The following PCDHA5 variants were observed in gnomAD, a reference collection of about 807,000 sequenced individuals.
PCDHA5 encodes protocadherin alpha 5.
Under a neutral mutation model 61.6 loss-of-function variants are expected in PCDHA5, and 43 were observed. The observed-to-expected ratio is 0.70, with a 90% CI of 0.55 to 0.90. The LOEUF (loss-of-function observed/expected upper bound fraction) is 0.90. Among genes scored for constraint, PCDHA5 ranks in the 40% least tolerant of loss-of-function variants. The pLI is 0.00. For synonymous variants in PCDHA5, 627 were observed against 543.9 expected (o/e 1.15, Z -2.13); for missense variants, 1,298 against 1,222.7 (o/e 1.06, Z -0.92).
At chr5:141,005,436 G>T (rs1554260042) in intron 3 of PCDHA5, among the ~76,000 whole-genome samples, 2 of 152,080 alleles carry the variant, frequency 1.3e-5, no homozygotes, top group East Asian at 1.9e-4. Flanking sequence ...TGGATGAGAG[G>T]CTCACGCCTG....
rs939986849 is a variant in PCDHA5, at chr5:140,871,330, G to T, written c.2352+47203G>T. 10 of 1,613,998 alleles carry T rather than the reference G, an allele frequency of 6.2e-6. No homozygotes were observed. Among genetic ancestry groups the T allele is most frequent in the Non-Finnish European group, 8.5e-6 (10 of 1,180,034 alleles). On this transcript the variant is annotated intron_variant, in intron 1 of 3. Transcript: ENST00000529859. The stretch of plus-strand genomic sequence containing the variant: ...GAAGCCCACGCTGGTGTGCTCCCGC[G>T]CGGTGGGGAGCTGGTCATACTCGCA...
In PCDHA5 at chr5:140,828,621, A is replaced by G. The variant is rs2150157492; in HGVS notation, c.2352+4494A>G. Reference sequence around the variant, plus strand: ...ACCTATAAACTCAGTTCTAGCGAATACTTCGGGCTAGATGTGAAAATAAAC... The same window carrying G: ...ACCTATAAACTCAGTTCTAGCGAATGCTTCGGGCTAGATGTGAAAATAAAC... On this transcript the variant is annotated intron_variant, in intron 1 of 3. Transcript: ENST00000529859. 11 of 1,614,094 alleles carry G rather than the reference A, an allele frequency of 6.8e-6. No individual in the cohort carries two copies. The South Asian group carries it at 1.2e-4, about 18-fold the overall frequency.
intron 3 of PCDHA5, among the ~76,000 whole-genome samples, chr5:140,996,006 C>G (rs962825775): frequency 6.6e-6 from 1 of 152,204 alleles, no homozygotes; most frequent in Non-Finnish European, 1.5e-5. Context: ...GTCGTCAGAA[C>G]TATTACTACT....
intron 1 of PCDHA5, chr5:140,967,401 G>C: frequency 6.2e-7 from 1 of 1,611,944 alleles, no homozygotes; most frequent in Non-Finnish European, 8.5e-7. Context: ...CTGGTGCTGC[G>C]TAAGGGCCTA....
At chr5:140,993,434 AT>A (rs1243337816) in intron 3 of PCDHA5, among the ~76,000 whole-genome samples, 2 of 150,146 alleles carry the variant, frequency 1.3e-5, no homozygotes, top group Non-Finnish European at 3.0e-5. Flanking sequence ...TAAAATCCTT[AT>A]TCATTCCTGT....
At chr5:140,992,078 G>A (rs1179366244) in intron 3 of PCDHA5, among the ~76,000 whole-genome samples, 1 of 151,596 alleles carries the variant, frequency 6.6e-6, no homozygotes, top group African/African-American at 2.4e-5. Context: ...TAGAGAATGA[G>A]CTAGAGTAGA....
chr5:140,948,709 CT>C (rs144736017), intron 1 of PCDHA5, among the ~76,000 whole-genome samples: 2,043 of 151,408 alleles, frequency 0.013, 38 homozygotes, highest in African/African-American at 0.047. Context: ...GTGTTCTATC[CT>C]CTTTTTTATC....
intron 1 of PCDHA5, chr5:140,854,217 C>A: frequency 6.6e-6 from 4 of 607,972 alleles, no homozygotes; most frequent in Middle Eastern, 8.4e-4. Context: ...CAATATTGGA[C>A]ATCTACATTG....
intron 1 of PCDHA5, among the ~76,000 whole-genome samples, chr5:140,834,039 C>T (rs2150213066): frequency 6.6e-6 from 1 of 152,144 alleles, no homozygotes; most frequent in Non-Finnish European, 1.5e-5. Flanking sequence ...CATCAGTCGC[C>T]TAAGAATGCT....
intron 1 of PCDHA5, among the ~76,000 whole-genome samples, chr5:140,975,004 T>C (rs1464460351): frequency 2.6e-5 from 4 of 152,170 alleles, no homozygotes; most frequent in African/African-American, 9.7e-5. Flanking sequence ...AAGGCTGAAA[T>C]GAACACAGCT....
At chr5:140,918,324 A>G (rs782356672) in intron 1 of PCDHA5, among the ~76,000 whole-genome samples, 1 of 152,058 alleles carries the variant, frequency 6.6e-6, no homozygotes, top group Non-Finnish European at 1.5e-5. Flanking sequence ...ATAAAATTAT[A>G]TTGTCTGCTA....
At chr5:140,866,149 T>A (rs1554160036) in intron 1 of PCDHA5, 2 of 152,248 alleles carry the variant, frequency 1.3e-5, no homozygotes, top group Non-Finnish European at 2.9e-5. Context: ...GGAAGTGATA[T>A]AAGTAAGAAT....
chr5:140,869,264 T>C (rs782308224), intron 1 of PCDHA5: 1 of 1,613,438 alleles, frequency 6.2e-7, no homozygotes, highest in South Asian at 1.1e-5. Context: ...GACCTGGGGC[T>C]GGAGCTGGCG....
chr5:140,878,728 C>T (rs1554170509), intron 1 of PCDHA5, among the ~76,000 whole-genome samples: 1 of 152,170 alleles, frequency 6.6e-6, no homozygotes, highest in Non-Finnish European at 1.5e-5. Flanking sequence ...AATTTCCAGC[C>T]TTATATCTAC....
intron 1 of PCDHA5, among the ~76,000 whole-genome samples, chr5:140,902,447 G>A (rs1004773008): frequency 2.6e-5 from 4 of 152,024 alleles, no homozygotes; most frequent in Non-Finnish European, 4.4e-5. Flanking sequence ...TCATATTCTA[G>A]ATCCTAGAGA....
At chr5:140,883,834 G>A (rs891069385) in intron 1 of PCDHA5, 1 of 1,612,658 alleles carries the variant, frequency 6.2e-7, no homozygotes, top group Non-Finnish European at 8.5e-7. Context: ...CGCTGCAGCC[G>A]TTGGACCACG....
At chr5:140,913,749 G>T (rs1166280044) in intron 1 of PCDHA5, among the ~76,000 whole-genome samples, 22 of 152,098 alleles carry the variant, frequency 1.4e-4, no homozygotes, top group Middle Eastern at 3.4e-3. Context: ...TCCTTTTGTT[G>T]TATCTCATAG....
chr5:140,929,024 C>T, intron 1 of PCDHA5: 1 of 1,614,172 alleles, frequency 6.2e-7, no homozygotes, highest in Non-Finnish European at 8.5e-7. Context: ...CACCAGAGCC[C>T]AGGCTGTTGC....
intron 1 of PCDHA5, chr5:140,966,328 C>T: frequency 5.1e-6 from 2 of 392,484 alleles, no homozygotes; most frequent in Non-Finnish European, 9.0e-6. Context: ...CGCTGGGATC[C>T]GGCAGGTCCA....
Sources: gnomAD v4.1 joint callset for allele counts (sites outside exome capture counted in the v4.1 genomes callset) on GRCh38, gnomAD v4.1.1 for gene constraint, MANE v1.5 for transcripts, NCBI Gene and HGNC (gene_info 2026-07-23, HGNC 2026-07-21) for gene names.